Variants in PDGFRA observed in about 807,000 individuals in gnomAD.
PDGFRA encodes the protein platelet-derived growth factor receptor alpha.
PDGFRA carries 25 observed loss-of-function variants against 121.5 expected under a neutral mutation model. That is an observed-to-expected ratio of 0.21 (90% CI 0.15 to 0.29). The LOEUF is 0.29. PDGFRA is among the 10% of genes least tolerant of loss of function. The pLI is 1.00. For synonymous variants in PDGFRA, 463 were observed against 494.8 expected (o/e 0.94, Z 0.85); for missense variants, 1,008 against 1,345.1 (o/e 0.75, Z 3.92).
chr4:54,248,287 G>A (rs1721816897), intron 1 of PDGFRA, among the ~76,000 whole-genome samples: 1 of 152,148 alleles, frequency 6.6e-6, no homozygotes, highest in Admixed American at 6.5e-5. Context: ...AACAAAGCTG[G>A]AGGCATCACG....
intron 4 of PDGFRA, chr4:54,264,326 T>G (rs999301269): frequency 9.6e-6 from 3 of 312,760 alleles, no homozygotes; most frequent in Admixed American, 9.5e-5. Flanking sequence ...CTTCAACCCT[T>G]TGATGTCCAC....
At chr4:54,262,803 A>C (rs1050199313) in intron 3 of PDGFRA, among the ~76,000 whole-genome samples, 3 of 152,202 alleles carry the variant, frequency 2.0e-5, no homozygotes, top group Admixed American at 2.0e-4. Flanking sequence ...TGCTGTGAAG[A>C]GAATGGTAGG....
chr4:54,295,820 TC>T lies in PDGFRA; in HGVS notation c.*549del, dbSNP rs753952940. The T allele has an allele frequency of 4.3e-4, 103 of 237,388 alleles. No homozygotes were observed. Among genetic ancestry groups the T allele is most frequent in the Non-Finnish European group, 7.3e-4 (88 of 120,408 alleles). The allele number at this position is 237,388 out of a possible 1,614,324, so 14.7% of individuals were successfully genotyped here. ...GTACTGGTACTATAGCATTTTGCTA[TC>T]TTTTTTAGTGTTAAAGAGATAAAGA... On this transcript the variant is annotated 3_prime_UTR_variant, in exon 23 of 23. Transcript: ENST00000257290.
intron 15 of PDGFRA, 123 bp downstream of exon 15, chr4:54,278,638 C>A: frequency 1.1e-6 from 1 of 881,134 alleles, no homozygotes; most frequent in East Asian, 2.5e-5. Context: ...GACTTAGAGT[C>A]AAACCACCCT....
intron 22 of PDGFRA, 110 bp from the exon 23 acceptor site, chr4:54,295,015 G>A: frequency 8.9e-7 from 1 of 1,119,988 alleles, no homozygotes; most frequent in Non-Finnish European, 1.4e-6. Context: ...TTGCCATACT[G>A]TGCAGCCCAA....
chr4:54,249,525 A>G (rs1721918759), intron 1 of PDGFRA, among the ~76,000 whole-genome samples: 2 of 152,190 alleles, frequency 1.3e-5, no homozygotes, highest in South Asian at 2.1e-4. Flanking sequence ...TCAGTAAACT[A>G]TCGCAAGAAG....
chr4:54,265,235 A>C (rs1722969581), intron 5 of PDGFRA, 186 bp downstream of exon 5: 3 of 635,970 alleles, frequency 4.7e-6, no homozygotes, highest in Non-Finnish European at 8.6e-6. Context: ...GGAGAGTTTG[A>C]AATGATAGTT....
chr4:54,277,966 T>A lies in PDGFRA; in HGVS notation c.1962T>A (p.His654Gln), dbSNP rs745658205. The A allele has an allele frequency of 1.2e-6, 2 of 1,613,628 alleles. No homozygotes were observed. The highest frequency in any genetic ancestry group is 2.7e-5 in the African/African-American group (2 of 74,890). Residue 654 changes from histidine to glutamine, a missense_variant, in exon 14 of 23, where the codon CAT becomes CAA. Transcript: ENST00000257290. ...AGATAATGACTCACCTGGGGCCACA[T>A]TTGAACATTGTAAACTTGCTGGGAG... ...ELKIMTHLGPHLNIVNLLGAC... is the reference protein window; with the variant it reads ...ELKIMTHLGPQLNIVNLLGAC...
At chr4:54,271,834 C>A (rs941771781) in intron 8 of PDGFRA, among the ~76,000 whole-genome samples, 2 of 140,826 alleles carry the variant, frequency 1.4e-5, no homozygotes, top group Non-Finnish European at 3.1e-5. Flanking sequence ...TCCTTCCTTC[C>A]TTTTCCTCCC....
chr4:54,260,242 T>C (rs1447189718), intron 2 of PDGFRA, among the ~76,000 whole-genome samples: 1 of 151,924 alleles, frequency 6.6e-6, no homozygotes, highest in Non-Finnish European at 1.5e-5. Flanking sequence ...AATAAACAAA[T>C]AAATCCACAT....
intron 1 of PDGFRA, among the ~76,000 whole-genome samples, chr4:54,244,529 A>G (rs1363885995): frequency 6.6e-6 from 1 of 152,208 alleles, no homozygotes; most frequent in Non-Finnish European, 1.5e-5. Context: ...AAGGAAAACT[A>G]ACAAACAGAA....
At position 54,288,813 on chromosome 4, in the gene PDGFRA, C is replaced by T. The variant is rs1435679141; in HGVS notation, c.2689C>T (p.Pro897Ser). 2.5e-6 allele frequency: 4 copies of T among 1,611,500 alleles called. No homozygotes were observed. The highest frequency in any genetic ancestry group is 1.3e-5 in the African/African-American group (1 of 74,862). ...TTGGCTTTTAGGTGGCACCCCTTAC[C>T]CCGGCATGATGGTGGATTCTACTTT... ...EIFSLGGTPY[P>S]GMMVDSTFYN... The change falls in exon 20 of 23, where the codon CCC becomes TCC. Residue 897 changes from proline to serine, a missense_variant. By Grantham distance (74) the Pro-to-Ser change is moderately conservative (BLOSUM62 -1). Coordinates refer to ENST00000257290, the MANE Select transcript of PDGFRA (RefSeq NM_006206.6).
intron 3 of PDGFRA, 59 bp downstream of exon 3, chr4:54,261,471 G>A: frequency 8.6e-7 from 1 of 1,168,000 alleles, no homozygotes; most frequent in Admixed American, 1.7e-5. Flanking sequence ...CCTGTTAAAT[G>A]TACTAAGGTT....
At chr4:54,259,135 A>T (rs1031584186) in intron 2 of PDGFRA, among the ~76,000 whole-genome samples, 1 of 151,956 alleles carries the variant, frequency 6.6e-6, no homozygotes. Context: ...CTTCTATTAG[A>T]GCTGGATTAG....
At chr4:54,237,151 G>C (rs994087292) in intron 1 of PDGFRA, among the ~76,000 whole-genome samples, 6 of 152,100 alleles carry the variant, frequency 3.9e-5, no homozygotes, top group Non-Finnish European at 7.4e-5. Context: ...TGTATTTTTA[G>C]TAGAGATGGG....
At chr4:54,265,072 A>G (rs1184491735) in intron 5 of PDGFRA, 23 bp downstream of exon 5, 4 of 1,612,496 alleles carry the variant, frequency 2.5e-6, no homozygotes, top group South Asian at 2.2e-5. Context: ...AAAACGTGCA[A>G]TGGCTTGGAG....
intron 16 of PDGFRA, among the ~76,000 whole-genome samples, chr4:54,283,310 G>C (rs1724164235): frequency 6.6e-6 from 1 of 152,170 alleles, no homozygotes; most frequent in Admixed American, 6.5e-5. Context: ...CTAGGCAGAG[G>C]CTCCCAAGCC....
At chr4:54,249,632 T>A (rs373379611) in intron 1 of PDGFRA, among the ~76,000 whole-genome samples, 1 of 151,866 alleles carries the variant, frequency 6.6e-6, no homozygotes, top group Non-Finnish European at 1.5e-5. Context: ...CTGGGGACTG[T>A]TGTGGGGTGG....
chr4:54,273,872 G>A, intron 10 of PDGFRA, 142 bp downstream of exon 10: 1 of 719,114 alleles, frequency 1.4e-6, no homozygotes, highest in Non-Finnish European at 2.4e-6. Flanking sequence ...AGTCATGTGG[G>A]ACTTTGTTTT....
Sources: allele counts gnomAD v4.1 joint callset (sites outside exome capture counted in the v4.1 genomes callset), GRCh38; gene constraint gnomAD v4.1.1; transcripts MANE v1.5; gene names NCBI Gene and HGNC (gene_info 2026-07-23, HGNC 2026-07-21).